Variants in ROR1 observed in about 807,000 individuals in gnomAD.
The protein encoded by ROR1 is ROR family WNT receptor 1.
In ROR1, 19 loss-of-function variants were observed where a neutral mutation model predicts 78.8. That is an observed-to-expected ratio of 0.24 (90% CI 0.17 to 0.35). ROR1 has a LOEUF of 0.35. Ranked by LOEUF, ROR1 falls within the 10% of genes least tolerant of loss-of-function variation. The probability of loss-of-function intolerance (pLI) is 1.00; values close to 1 mark genes in which losing one functional copy is unlikely to be tolerated. For missense variants in ROR1, 917 were observed against 1,177.8 expected, an observed-to-expected ratio of 0.78 and a Z score of 3.24; for synonymous variants, 386 against 433.6, an observed-to-expected ratio of 0.89 and a Z score of 1.36.
chr1:64,129,087 G>A (rs1344306531), intron 4 of ROR1, among the ~76,000 whole-genome samples: 1 of 152,150 alleles, frequency 6.6e-6, no homozygotes, highest in Non-Finnish European at 1.5e-5. Flanking sequence ...GTACAGAGAG[G>A]CATTAAACTC....
chr1:64,178,928 T>C lies in ROR1; in HGVS notation c.*73T>C. 1 of 1,200,422 alleles carries C rather than the reference T, an allele frequency of 8.3e-7. No homozygotes were observed. Among genetic ancestry groups the C allele is most frequent in the Non-Finnish European group, 1.2e-6 (1 of 858,748 alleles). The allele number at this position is 1,200,422 out of a possible 1,614,324, so 74.4% of individuals were successfully genotyped here. ...GTAGAAAAGATTTATATTCAAATGTTTTTATTAAAGTAAGGTTCTCATTTA... is the reference window on the plus strand; with the variant it reads ...GTAGAAAAGATTTATATTCAAATGTCTTTATTAAAGTAAGGTTCTCATTTA... On this transcript the variant is annotated 3_prime_UTR_variant, in exon 9 of 9. Coordinates refer to ENST00000371079, the MANE Select transcript of ROR1 (RefSeq NM_005012.4). This position sits in a 1 kb window ranked among gnomAD's most constrained non-coding sequence, Gnocchi z 4.3.
intron 1 of ROR1, among the ~76,000 whole-genome samples, chr1:63,931,967 C>A (rs112852439): frequency 2.0e-5 from 3 of 152,130 alleles, no homozygotes; most frequent in Non-Finnish European, 2.9e-5. Flanking sequence ...TTTCAGGCAT[C>A]CACTGGGGTC....
At chr1:64,103,982 T>C (rs1225977346) in intron 4 of ROR1, among the ~76,000 whole-genome samples, 1 of 152,052 alleles carries the variant, frequency 6.6e-6, no homozygotes, top group Non-Finnish European at 1.5e-5. Flanking sequence ...GAGCATCTAG[T>C]AGGTTAAGGC....
intron 4 of ROR1, among the ~76,000 whole-genome samples, chr1:64,118,020 G>A (rs1435900506): frequency 6.6e-6 from 1 of 152,198 alleles, no homozygotes; most frequent in African/African-American, 2.4e-5. Context: ...GGGCAACATG[G>A]TGAAACCTTT....
At chr1:63,829,573 A>G (rs1302578011) in intron 1 of ROR1, among the ~76,000 whole-genome samples, 2 of 152,162 alleles carry the variant, frequency 1.3e-5, no homozygotes, top group African/African-American at 4.8e-5. Flanking sequence ...CATGGAGAGT[A>G]TTGCAGGTAG....
chr1:64,084,162 T>C (rs138028823), intron 4 of ROR1, among the ~76,000 whole-genome samples: 1 of 152,372 alleles, frequency 6.6e-6, no homozygotes. Flanking sequence ...TTATTTGCTT[T>C]GTTTGAATGG....
chr1:63,802,950 TATC>T (rs1473329915), intron 1 of ROR1, among the ~76,000 whole-genome samples: 6 of 152,354 alleles, frequency 3.9e-5, no homozygotes, highest in Non-Finnish European at 7.3e-5. Flanking sequence ...AAATCCAAAA[TATC>T]ATCATTTCAA....
At chr1:64,003,449 C>T (rs1646403164) in intron 1 of ROR1, among the ~76,000 whole-genome samples, 1 of 152,158 alleles carries the variant, frequency 6.6e-6, no homozygotes, top group Admixed American at 6.5e-5. Flanking sequence ...ATATTGATAA[C>T]TTCATTTAGA....
intron 1 of ROR1, among the ~76,000 whole-genome samples, chr1:63,966,794 T>C (rs1266509964): frequency 6.6e-6 from 1 of 152,220 alleles, no homozygotes; most frequent in Non-Finnish European, 1.5e-5. Context: ...GCATTGCATA[T>C]GGTGAGGCTC....
chr1:64,112,281 A>C (rs1036302744), intron 4 of ROR1: 3 of 152,136 alleles, frequency 2.0e-5, no homozygotes, highest in Non-Finnish European at 4.4e-5. Flanking sequence ...TGTGTGTACT[A>C]TTGGGTAAGT....
chr1:63,947,718 T>C (rs953123553), intron 1 of ROR1, among the ~76,000 whole-genome samples: 2 of 152,128 alleles, frequency 1.3e-5, no homozygotes, highest in Admixed American at 1.3e-4. Flanking sequence ...TGGGAACATA[T>C]ACCACATGAC....
chr1:64,015,550 C>G (rs1646513968), intron 2 of ROR1, among the ~76,000 whole-genome samples: 1 of 152,206 alleles, frequency 6.6e-6, no homozygotes, highest in Non-Finnish European at 1.5e-5. Context: ...ATGGTATTGA[C>G]TGGCCTATAG....
chr1:64,129,432 G>A (rs1453597117), intron 4 of ROR1, among the ~76,000 whole-genome samples: 2 of 152,188 alleles, frequency 1.3e-5, no homozygotes, highest in Non-Finnish European at 2.9e-5. Flanking sequence ...ATTCTTAATA[G>A]GCAATTTTAG....
At chr1:63,790,773 T>C (rs867094714) in intron 1 of ROR1, among the ~76,000 whole-genome samples, 2 of 152,192 alleles carry the variant, frequency 1.3e-5, no homozygotes, top group South Asian at 4.1e-4. Flanking sequence ...CTCAGGAATT[T>C]TGAAAGAGGT....
At chr1:63,790,879 G>C (rs568667901) in intron 1 of ROR1, among the ~76,000 whole-genome samples, 1 of 152,198 alleles carries the variant, frequency 6.6e-6, no homozygotes, top group Admixed American at 6.5e-5. Flanking sequence ...GAACCTGCAA[G>C]CCATCTGGAT....
chr1:64,050,746 T>C (rs770115524), intron 4 of ROR1, 30 bp downstream of exon 4: 2 of 1,608,932 alleles, frequency 1.2e-6, no homozygotes, highest in Non-Finnish European at 1.7e-6. Flanking sequence ...TTCTTGTCAT[T>C]TCTAAGTGTT....
At chr1:63,958,723 T>A (rs546583551) in intron 1 of ROR1, among the ~76,000 whole-genome samples, 2 of 152,314 alleles carry the variant, frequency 1.3e-5, no homozygotes, top group African/African-American at 4.8e-5. Flanking sequence ...ATGTAGTTTT[T>A]ACCCTTAGGA....
At chr1:63,838,967 C>T (rs1054248066) in intron 1 of ROR1, among the ~76,000 whole-genome samples, 2 of 152,158 alleles carry the variant, frequency 1.3e-5, no homozygotes, top group African/African-American at 4.8e-5. Flanking sequence ...AGTTTGTAGC[C>T]TAGGAGCAAT....
At chr1:64,056,920 A>G (rs1293236806) in intron 4 of ROR1, among the ~76,000 whole-genome samples, 1 of 152,106 alleles carries the variant, frequency 6.6e-6, no homozygotes, top group Admixed American at 6.5e-5. Context: ...ATATACCCTT[A>G]TTAGATATAT....
Sources: allele counts gnomAD v4.1 joint callset (sites outside exome capture counted in the v4.1 genomes callset), GRCh38; gene constraint gnomAD v4.1.1; non-coding constraint Gnocchi (gnomAD v3.1); transcripts MANE v1.5; gene names NCBI Gene and HGNC (gene_info 2026-07-23, HGNC 2026-07-21).